Variants in ATP6V1H observed in about 807,000 individuals in gnomAD.
ATP6V1H encodes the protein V-type proton ATPase subunit H.
ATP6V1H carries 39 observed loss-of-function variants against 71.7 expected under a neutral mutation model. The observed-to-expected ratio is 0.54, with a 90% CI of 0.42 to 0.71. ATP6V1H has a LOEUF of 0.71. ATP6V1H is among the 30% of genes least tolerant of loss of function. The pLI is 0.00. For synonymous variants in ATP6V1H, 192 were observed against 199.3 expected (o/e 0.96, Z 0.31); for missense variants, 509 against 594.9 (o/e 0.86, Z 1.50).
intron 11 of ATP6V1H, among the ~76,000 whole-genome samples, 193 bp from the exon 12 acceptor site, chr8:53,756,849 G>C (rs1808085498): frequency 6.6e-6 from 1 of 152,192 alleles, no homozygotes; most frequent in African/African-American, 2.4e-5. Context: ...GTTTCTTTCA[G>C]ATTCACAATG....
rs78745875 is a variant in ATP6V1H, at chr8:53,804,403, A to C, written c.580-2507T>G. Among the ~76,000 whole-genome samples the C allele has an allele frequency of 2.4e-4, 37 of 152,326 alleles. No homozygotes were observed. The East Asian group carries it at 6.8e-3, about 28-fold the overall frequency. ...TGAAAATACTGAGTTGGCCAGGCAC[A>C]GTGGCTCACACCTGTAACCCCAGCA... On this transcript the variant is annotated intron_variant, in intron 7 of 13. Coordinates refer to ENST00000359530, the MANE Select transcript of ATP6V1H (RefSeq NM_015941.4).
intron 9 of ATP6V1H, among the ~76,000 whole-genome samples, chr8:53,776,806 GA>G (rs1215036394): frequency 6.6e-6 from 1 of 151,736 alleles, no homozygotes; most frequent in Admixed American, 6.6e-5. Flanking sequence ...TATGACCAAA[GA>G]AAAAAACGGT....
rs1353035802 is a variant in ATP6V1H at position 53,772,136 on chromosome 8, G to A, written c.902C>T (p.Thr301Ile). Residue 301 changes from threonine (T) to isoleucine (I), a missense_variant, in exon 10 of 14, where the codon ACT (threonine) becomes ATT (isoleucine). By Grantham distance (89) the Thr-to-Ile change is moderately conservative. Coordinates refer to ENST00000359530, the MANE Select transcript of ATP6V1H (RefSeq NM_015941.4). ...CATAGCCAGGGCATATTCTTGGCGA[G>A]TTTCTCTTTCAGTTGATTTTTCTAA... ...NFLEKSTERETRQEYALAMIQ... is the reference protein window; with the variant it reads ...NFLEKSTEREIRQEYALAMIQ... The A allele has an allele frequency of 1.9e-6, 3 of 1,612,734 alleles. No individual in the cohort carries two copies. The highest frequency in any genetic ancestry group is 2.5e-6 in the Non-Finnish European group (3 of 1,179,736).
Position 53,743,708 on chromosome 8 carries a change from G to T in ATP6V1H, c.1278-18C>A. On this transcript the variant is annotated intron_variant, in intron 12 of 13. Transcript: ENST00000359530. ...CGATGACCCTGCAAACGGGAGAGAC[G>T]TGGTGAGGAAGATGCAATTACTCTC... 6.4e-7 allele frequency: 1 copy of T among 1,571,520 alleles called. No homozygotes were observed. The highest frequency in any genetic ancestry group is 8.7e-7 in the Non-Finnish European group (1 of 1,146,544).
intron 12 of ATP6V1H, among the ~76,000 whole-genome samples, chr8:53,747,845 AAAGCTCT>A (rs1246681847): frequency 6.6e-6 from 1 of 151,936 alleles, no homozygotes; most frequent in Non-Finnish European, 1.5e-5. Context: ...TCCGTCCAAG[AAAGCTCT>A]AAGCACAGAA....
chr8:53,800,770 T>C (rs1299739075), intron 8 of ATP6V1H, among the ~76,000 whole-genome samples: 4 of 152,244 alleles, frequency 2.6e-5, no homozygotes, highest in Non-Finnish European at 5.9e-5. Flanking sequence ...TGCTATATTT[T>C]AATTTTTATT....
At chr8:53,805,922 G>T (rs1465412339) in intron 7 of ATP6V1H, among the ~76,000 whole-genome samples, 2 of 152,148 alleles carry the variant, frequency 1.3e-5, no homozygotes, top group Non-Finnish European at 2.9e-5. Flanking sequence ...TGGAGTTCAA[G>T]ATCAGACAAC....
At chr8:53,788,316 A>C (rs747132978) in intron 9 of ATP6V1H, among the ~76,000 whole-genome samples, 1 of 152,230 alleles carries the variant, frequency 6.6e-6, no homozygotes, top group Non-Finnish European at 1.5e-5. Context: ...AGAAGCCCAT[A>C]AATTATTAAA....
intron 8 of ATP6V1H, among the ~76,000 whole-genome samples, chr8:53,796,076 C>T (rs1407547792): frequency 2.6e-5 from 4 of 151,942 alleles, no homozygotes; most frequent in African/African-American, 7.3e-5. Context: ...TCCTGCTGTG[C>T]GGCAAGAAGA....
chr8:53,806,867 GA>G, intron 7 of ATP6V1H: 1 of 454,954 alleles, frequency 2.2e-6, no homozygotes. Flanking sequence ...TGCTGAAAGT[GA>G]AAATCATAAT....
At chr8:53,781,428 A>G (rs182709486) in intron 9 of ATP6V1H, among the ~76,000 whole-genome samples, 168 of 152,184 alleles carry the variant, frequency 1.1e-3, no homozygotes, top group African/African-American at 3.6e-3. Context: ...TTCATTGTAG[A>G]TTCTGGATAT....
intron 9 of ATP6V1H, among the ~76,000 whole-genome samples, chr8:53,773,331 T>G (rs1286324949): frequency 6.6e-6 from 1 of 152,190 alleles, no homozygotes; most frequent in African/African-American, 2.4e-5. Context: ...AAAACATGAA[T>G]GTCCACTCAG....
At chr8:53,821,270 G>A (rs1382091098) in intron 4 of ATP6V1H, among the ~76,000 whole-genome samples, 3 of 151,700 alleles carry the variant, frequency 2.0e-5, no homozygotes, top group Non-Finnish European at 4.4e-5. Flanking sequence ...CTACTCAGGA[G>A]GCTGAGGCAG....
At chr8:53,820,468 C>T (rs1162612852) in intron 4 of ATP6V1H, among the ~76,000 whole-genome samples, 9 of 151,532 alleles carry the variant, frequency 5.9e-5, no homozygotes, top group African/African-American at 2.4e-5. Flanking sequence ...AAACTGCCAG[C>T]CTTGGCATAT....
chr8:53,799,256 ATTATT>A (rs1379003565), intron 8 of ATP6V1H, among the ~76,000 whole-genome samples: 3 of 152,296 alleles, frequency 2.0e-5, no homozygotes, highest in Non-Finnish European at 4.4e-5. Context: ...CATCCTATAT[ATTATT>A]TTATCATTAT....
chr8:53,780,690 C>T (rs1453475449), intron 9 of ATP6V1H, among the ~76,000 whole-genome samples: 2 of 152,070 alleles, frequency 1.3e-5, no homozygotes, highest in East Asian at 3.8e-4. Flanking sequence ...ATCCCTCCCC[C>T]ATCCCCCACT....
At chr8:53,740,383 A>AT (rs1807368271) in intron 13 of ATP6V1H, among the ~76,000 whole-genome samples, 1 of 152,190 alleles carries the variant, frequency 6.6e-6, no homozygotes. Context: ...AAACCTAAAA[A>AT]TCCTTTAGGG....
At chr8:53,789,805 T>C (rs1266114812) in intron 9 of ATP6V1H, among the ~76,000 whole-genome samples, 7 of 152,146 alleles carry the variant, frequency 4.6e-5, no homozygotes, top group African/African-American at 1.7e-4. Context: ...ATATATAACA[T>C]ACAGAAAAGA....
intron 13 of ATP6V1H, 38 bp downstream of exon 13, chr8:53,743,539 G>T: frequency 1.4e-6 from 2 of 1,442,458 alleles, no homozygotes; most frequent in Non-Finnish European, 9.7e-7. Flanking sequence ...AGAGTTTGCA[G>T]ACTAATGTAC....
Sources: allele counts gnomAD v4.1 joint callset (sites outside exome capture counted in the v4.1 genomes callset), GRCh38; gene constraint gnomAD v4.1.1; transcripts MANE v1.5; gene names NCBI Gene and HGNC (gene_info 2026-07-23, HGNC 2026-07-21).